Variants in ERBB4 observed in about 807,000 individuals in gnomAD.
The protein encoded by ERBB4 is erb-b2 receptor tyrosine kinase 4.
A neutral mutation model predicts 158.0 loss-of-function variants in ERBB4; 42 were observed. The ratio of observed to expected loss-of-function variants is 0.27; its 90% CI spans 0.21 to 0.34. ERBB4 has a LOEUF of 0.34. ERBB4 is among the 10% of genes least tolerant of loss of function. The probability of loss-of-function intolerance (pLI) is 1.00; values close to 1 mark genes in which losing one functional copy is unlikely to be tolerated. For missense variants in ERBB4, 1,333 were observed against 1,624.1 expected, an observed-to-expected ratio of 0.82 and a Z score of 3.08; for synonymous variants, 583 against 558.7, an observed-to-expected ratio of 1.04 and a Z score of -0.61.
intron 1 of ERBB4, among the ~76,000 whole-genome samples, chr2:212,261,638 T>A (rs1289434995): frequency 2.6e-5 from 4 of 152,062 alleles, no homozygotes. Context: ...ATGATGATAA[T>A]TCATGAGGGA....
intron 2 of ERBB4, among the ~76,000 whole-genome samples, chr2:211,973,453 A>G (rs1436383333): frequency 6.6e-6 from 1 of 152,150 alleles, no homozygotes; most frequent in East Asian, 1.9e-4. Context: ...CACTTGCCTC[A>G]GCCTCCCAAA....
rs1186782186 is a variant in ERBB4 at position 212,188,241 on chromosome 2, CCTCT to C, written c.83-63342_83-63339del. On this transcript the variant is annotated intron_variant, in intron 1 of 27. Coordinates refer to ENST00000342788, the MANE Select transcript of ERBB4 (RefSeq NM_005235.3). ...CTCTCTCTCTCTCTCTCTCCCCCCCCCTCTCACCCCCTCCCTCCCTCCCTCTTCT... is the reference window on the plus strand; with the variant it reads ...CTCTCTCTCTCTCTCTCTCCCCCCCCCACCCCCTCCCTCCCTCCCTCTTCT... Among the ~76,000 whole-genome samples the C allele has an allele frequency of 1.9e-4, 5 of 26,594 alleles. No individual in the cohort carries two copies. The East Asian group carries it at 0.017, about 92-fold the overall frequency. The allele number at this position is 26,594 out of a possible 152,430, so 17.4% of individuals were successfully genotyped here.
At chr2:212,124,031 C>A (rs181428500) in intron 2 of ERBB4, among the ~76,000 whole-genome samples, 1 of 152,250 alleles carries the variant, frequency 6.6e-6, no homozygotes, top group East Asian at 1.9e-4. Flanking sequence ...TTGTCAAAGG[C>A]CCCTTCAAGT....
chr2:212,188,265 T>C (rs1365023730), intron 1 of ERBB4, among the ~76,000 whole-genome samples: 9 of 14,070 alleles, frequency 6.4e-4, no homozygotes, highest in East Asian at 8.3e-3. Context: ...CCTCCCTCCC[T>C]CTTCTCTCCC....
chr2:212,259,848 T>A lies in ERBB4; in HGVS notation c.83-134945A>T, dbSNP rs560162800. On this transcript the variant is annotated intron_variant, in intron 1 of 27. Coordinates refer to ENST00000342788, the MANE Select transcript of ERBB4 (RefSeq NM_005235.3). ...ACTTTGGGAGACCAAGGCAGGTGGA[T>A]CACCTGAGGTCAGGAGTTAGACCCC... 5.3e-5 allele frequency among the ~76,000 whole-genome samples: 8 copies of A among 152,180 alleles called. No homozygotes were observed. In the South Asian group the frequency reaches 1.7e-3, roughly 32 times the overall value.
chr2:211,633,671 A>G (rs888866306), intron 16 of ERBB4, among the ~76,000 whole-genome samples: 6 of 148,230 alleles, frequency 4.0e-5, no homozygotes, highest in African/African-American at 1.5e-4. Flanking sequence ...TGCTCTTATA[A>G]TTTTGACATT....
At chr2:212,350,598 A>G (rs540338518) in intron 1 of ERBB4, among the ~76,000 whole-genome samples, 1 of 152,166 alleles carries the variant, frequency 6.6e-6, no homozygotes, top group Non-Finnish European at 1.5e-5. Flanking sequence ...CATTTTCCCT[A>G]TTAATATTAG....
intron 3 of ERBB4, among the ~76,000 whole-genome samples, chr2:211,904,352 C>T (rs1021430785): frequency 6.6e-6 from 1 of 152,080 alleles, no homozygotes; most frequent in African/African-American, 2.4e-5. Flanking sequence ...GAAGATTTTT[C>T]AATTTCTAAC....
chr2:211,434,931 TC>T (rs1296444187), intron 20 of ERBB4, among the ~76,000 whole-genome samples: 13 of 152,206 alleles, frequency 8.5e-5, no homozygotes, highest in Admixed American at 8.5e-4. Flanking sequence ...GCCACCTTAG[TC>T]CTACTTTCAC....
At chr2:212,003,168 A>G (rs1207191995) in intron 2 of ERBB4, among the ~76,000 whole-genome samples, 584 of 29,828 alleles carry the variant, frequency 0.02, 42 homozygotes, top group Non-Finnish European at 0.059. Context: ...AAAGAAAGAA[A>G]GAAAGAAAGA....
At chr2:211,603,214 G>C (rs2068856620) in intron 19 of ERBB4, among the ~76,000 whole-genome samples, 1 of 151,858 alleles carries the variant, frequency 6.6e-6, no homozygotes, top group African/African-American at 2.4e-5. Context: ...CCGGGCGACA[G>C]AGCAAGACTC....
At chr2:211,793,291 A>G (rs1258748649) in intron 3 of ERBB4, among the ~76,000 whole-genome samples, 4 of 152,066 alleles carry the variant, frequency 2.6e-5, no homozygotes, top group Non-Finnish European at 5.9e-5. Flanking sequence ...AGGATCTAAT[A>G]AACAGGAATG....
intron 20 of ERBB4, among the ~76,000 whole-genome samples, chr2:211,511,295 A>G (rs1401506638): frequency 6.6e-6 from 1 of 152,028 alleles, no homozygotes; most frequent in Non-Finnish European, 1.5e-5. Flanking sequence ...AAATATGTTA[A>G]GCTAATTATA....
chr2:212,024,745 G>A (rs1382895463), intron 2 of ERBB4, among the ~76,000 whole-genome samples: 3 of 151,862 alleles, frequency 2.0e-5, no homozygotes, highest in Non-Finnish European at 2.9e-5. Flanking sequence ...AAGGAAAAGA[G>A]TCAAGTATTC....
intron 3 of ERBB4, among the ~76,000 whole-genome samples, chr2:211,839,304 C>A (rs1037029999): frequency 1.3e-5 from 2 of 151,748 alleles, no homozygotes; most frequent in African/African-American, 4.8e-5. Context: ...CTCTTCTGTG[C>A]CTTAAGCTCT....
chr2:211,900,480 G>GA (rs952124218), intron 3 of ERBB4, among the ~76,000 whole-genome samples: 12 of 149,558 alleles, frequency 8.0e-5, no homozygotes, highest in South Asian at 6.4e-4. Flanking sequence ...TACAAACCTA[G>GA]AAAAAAAAAG....
chr2:211,807,836 T>C (rs2076656911), intron 3 of ERBB4, among the ~76,000 whole-genome samples: 1 of 152,208 alleles, frequency 6.6e-6, no homozygotes, highest in Admixed American at 6.5e-5. Flanking sequence ...TGTGAGATGG[T>C]ATCTCATTGT....
At chr2:211,414,902 G>C (rs1163140415) in intron 25 of ERBB4, among the ~76,000 whole-genome samples, 2 of 151,988 alleles carry the variant, frequency 1.3e-5, no homozygotes, top group Non-Finnish European at 2.9e-5. Flanking sequence ...AATTGGACTG[G>C]CAGTAGTAGT....
At chr2:212,365,916 C>T (rs911194758) in intron 1 of ERBB4, among the ~76,000 whole-genome samples, 1 of 151,792 alleles carries the variant, frequency 6.6e-6, no homozygotes, top group Non-Finnish European at 1.5e-5. Context: ...AAACCCTCCA[C>T]GATCAGACCA....
Sources: gnomAD v4.1 joint callset for allele counts (sites outside exome capture counted in the v4.1 genomes callset) on GRCh38, gnomAD v4.1.1 for gene constraint, MANE v1.5 for transcripts, NCBI Gene and HGNC (gene_info 2026-07-23, HGNC 2026-07-21) for gene names.